Variants in JARID2 observed in about 807,000 individuals in gnomAD.
The protein encoded by JARID2 is jumonji and AT-rich interaction domain containing 2, also known as protein Jumonji.
In JARID2, 21 loss-of-function variants were observed where a neutral mutation model predicts 125.6. The ratio of observed to expected loss-of-function variants is 0.17; its 90% CI spans 0.12 to 0.24. The LOEUF (loss-of-function observed/expected upper bound fraction) is 0.24, where lower values mean the gene tolerates loss of function less well. JARID2 is among the 10% of genes least tolerant of loss of function. The probability of loss-of-function intolerance (pLI) is 1.00; values close to 1 mark genes in which losing one functional copy is unlikely to be tolerated. For missense variants in JARID2, 1,303 were observed against 1,639.6 expected (o/e 0.79, Z 3.55); for synonymous variants, 736 against 661.6 (o/e 1.11, Z -1.73).
At chr6:15,282,855 C>T (rs1760810187) in intron 1 of JARID2, among the ~76,000 whole-genome samples, 2 of 152,264 alleles carry the variant, frequency 1.3e-5, no homozygotes, top group African/African-American at 2.4e-5. Context: ...TCCACCTCGG[C>T]CTCCCAAAGT....
At chr6:15,423,388 A>G (rs994803881) in intron 3 of JARID2, among the ~76,000 whole-genome samples, 2 of 152,168 alleles carry the variant, frequency 1.3e-5, no homozygotes, top group Non-Finnish European at 2.9e-5. Flanking sequence ...GCTTTTGGGA[A>G]GAATTGTGCA....
intron 1 of JARID2, among the ~76,000 whole-genome samples, chr6:15,250,079 G>A (rs1759383934): frequency 6.6e-6 from 1 of 152,136 alleles, no homozygotes; most frequent in African/African-American, 2.4e-5. Flanking sequence ...TATGAAGATA[G>A]TAATTCCTGT....
intron 5 of JARID2, among the ~76,000 whole-genome samples, chr6:15,475,446 T>C (rs539372766): frequency 1.3e-5 from 2 of 152,336 alleles, no homozygotes; most frequent in Non-Finnish European, 2.9e-5. Context: ...TCAGGTGCTG[T>C]GGAACTGCCA....
At chr6:15,490,657 TTGGTTGTA>T (rs1488090307) in intron 6 of JARID2, among the ~76,000 whole-genome samples, 3 of 152,334 alleles carry the variant, frequency 2.0e-5, no homozygotes, top group Admixed American at 2.0e-4. Context: ...GGGTAATAAT[TTGGTTGTA>T]TGGTAAGGGT....
chr6:15,265,389 A>C (rs547375222), intron 1 of JARID2, among the ~76,000 whole-genome samples: 13 of 151,836 alleles, frequency 8.6e-5, no homozygotes, highest in Admixed American at 2.6e-4. Flanking sequence ...ACAAAAAAAA[A>C]CCACGCAGTC....
chr6:15,423,791 G>T (rs1022553869), intron 3 of JARID2, among the ~76,000 whole-genome samples: 3 of 152,130 alleles, frequency 2.0e-5, no homozygotes. Flanking sequence ...GCTTCCCTTG[G>T]GGCCGTGATA....
intron 1 of JARID2, among the ~76,000 whole-genome samples, chr6:15,313,660 A>T (rs1447936335): frequency 6.6e-6 from 1 of 152,166 alleles, no homozygotes; most frequent in African/African-American, 2.4e-5. Flanking sequence ...TTGTGGCATT[A>T]GTGTTTTGAC....
intron 1 of JARID2, among the ~76,000 whole-genome samples, chr6:15,311,671 A>G (rs1762018806): frequency 6.6e-6 from 1 of 152,180 alleles, no homozygotes. Flanking sequence ...TGCACAATAC[A>G]AAAGCAAAGT....
At chr6:15,293,954 A>G (rs894417918) in intron 1 of JARID2, among the ~76,000 whole-genome samples, 13 of 152,136 alleles carry the variant, frequency 8.5e-5, no homozygotes, top group Admixed American at 4.6e-4. Flanking sequence ...ATCTTTCTCT[A>G]TCTCTTTTCT....
At chr6:15,343,825 A>C (rs1358927420) in intron 1 of JARID2, among the ~76,000 whole-genome samples, 28 of 152,242 alleles carry the variant, frequency 1.8e-4, no homozygotes, top group Non-Finnish European at 4.4e-5. Flanking sequence ...GTTAGATTAA[A>C]AAAACAAAGC....
At chr6:15,286,309 G>T (rs1344566197) in intron 1 of JARID2, among the ~76,000 whole-genome samples, 1 of 150,214 alleles carries the variant, frequency 6.7e-6, no homozygotes, top group Non-Finnish European at 1.5e-5. Flanking sequence ...TTGGAGTGCA[G>T]TGGTGTGATC....
intron 3 of JARID2, among the ~76,000 whole-genome samples, chr6:15,430,247 T>A (rs771795815): frequency 6.6e-6 from 1 of 152,258 alleles, no homozygotes; most frequent in African/African-American, 2.4e-5. Flanking sequence ...TGCTTCTTTA[T>A]CTTCCTGGAG....
chr6:15,398,614 C>T (rs1765303769), intron 2 of JARID2, among the ~76,000 whole-genome samples: 1 of 152,162 alleles, frequency 6.6e-6, no homozygotes, highest in African/African-American at 2.4e-5. Flanking sequence ...ACAGGACTGA[C>T]TCGCATGTAC....
intron 3 of JARID2, among the ~76,000 whole-genome samples, chr6:15,441,604 C>G (rs935917319): frequency 6.6e-6 from 1 of 152,114 alleles, no homozygotes; most frequent in African/African-American, 2.4e-5. Flanking sequence ...AGAGCCCACT[C>G]TGGTCCTTCT....
intron 2 of JARID2, among the ~76,000 whole-genome samples, chr6:15,378,968 G>GGGTATCTGAT (rs1764476155): frequency 6.6e-6 from 1 of 152,130 alleles, no homozygotes; most frequent in Non-Finnish European, 1.5e-5. Context: ...GAAGGGGGTC[G>GGGTATCTGAT]GGTATCTGAT....
intron 2 of JARID2, among the ~76,000 whole-genome samples, chr6:15,374,602 G>C (rs982064397): frequency 5.3e-5 from 8 of 152,192 alleles, no homozygotes; most frequent in African/African-American, 1.9e-4. Flanking sequence ...GGTTGTATAG[G>C]AAATAGCCTA....
intron 6 of JARID2, among the ~76,000 whole-genome samples, chr6:15,494,694 G>A (rs1437110279): frequency 1.3e-5 from 2 of 152,142 alleles, no homozygotes; most frequent in African/African-American, 4.8e-5. Flanking sequence ...AGGCGCCTTT[G>A]GGAAGTTTCA....
At chr6:15,494,031 C>G (rs957233403) in intron 6 of JARID2, among the ~76,000 whole-genome samples, 1 of 152,086 alleles carries the variant, frequency 6.6e-6, no homozygotes, top group South Asian at 2.1e-4. Context: ...CCTGGGTCTT[C>G]GCTTCTGCCT....
intron 1 of JARID2, among the ~76,000 whole-genome samples, chr6:15,365,308 T>A (rs1446914126): frequency 1.3e-5 from 2 of 152,154 alleles, no homozygotes; most frequent in Non-Finnish European, 2.9e-5. Flanking sequence ...TCTTGGGTCT[T>A]TTTTGATTAC....
Sources: gnomAD v4.1 joint callset for allele counts (sites outside exome capture counted in the v4.1 genomes callset) on GRCh38, gnomAD v4.1.1 for gene constraint, MANE v1.5 for transcripts, NCBI Gene and HGNC (gene_info 2026-07-23, HGNC 2026-07-21) for gene names.